Variants in ZBTB8A observed in about 807,000 individuals in gnomAD.
ZBTB8A encodes zinc finger and BTB domain-containing protein 8A.
Under a neutral mutation model 37.8 loss-of-function variants are expected in ZBTB8A, and 19 were observed. The observed-to-expected ratio is 0.50, with a 90% CI of 0.35 to 0.74. The LOEUF is 0.74. Among genes scored for constraint, ZBTB8A ranks in the 30% least tolerant of loss-of-function variants. The pLI, the probability that ZBTB8A is intolerant of heterozygous loss-of-function variation, is 0.01. For missense variants in ZBTB8A, 394 were observed against 537.8 expected, an observed-to-expected ratio of 0.73 and a Z score of 2.65; for synonymous variants, 181 against 185.2, an observed-to-expected ratio of 0.98 and a Z score of 0.19.
chr1:32,576,755 G>T (rs1366007954), intron 2 of ZBTB8A, among the ~76,000 whole-genome samples: 1 of 152,136 alleles, frequency 6.6e-6, no homozygotes, highest in South Asian at 2.1e-4. Context: ...GGTAGACACA[G>T]GGTTTCACCA....
In ZBTB8A at chr1:32,553,439, T is replaced by C. The variant is rs1236238215; in HGVS notation, c.-83-20T>C. On this transcript the variant is annotated intron_variant, in intron 1 of 4. Transcript: ENST00000373510. The stretch of plus-strand genomic sequence containing the variant: ...TTATGACAAAAGTACATTATAAATA[T>C]CTGTTTTCTCTCTCTACAGGACAAT... The C allele has an allele frequency of 6.6e-6, 1 of 152,176 alleles. No homozygotes were observed. Among genetic ancestry groups the C allele is most frequent in the Non-Finnish European group, 1.5e-5 (1 of 68,038 alleles). 9.4% of individuals were successfully genotyped at this position (152,176 alleles called of 1,614,324 possible).
chr1:32,551,538 A>G (rs1364745934), intron 1 of ZBTB8A, among the ~76,000 whole-genome samples: 1 of 152,056 alleles, frequency 6.6e-6, no homozygotes, highest in Non-Finnish European at 1.5e-5. Flanking sequence ...ACATGGAGAA[A>G]TACCATCTCT....
At chr1:32,544,391 A>G (rs1250270221) in intron 1 of ZBTB8A, among the ~76,000 whole-genome samples, 1 of 152,218 alleles carries the variant, frequency 6.6e-6, no homozygotes, top group Non-Finnish European at 1.5e-5. Flanking sequence ...GTATTTGTGT[A>G]TCTAAACATA....
At chr1:32,574,153 A>G (rs1381514806) in intron 2 of ZBTB8A, among the ~76,000 whole-genome samples, 10 of 152,108 alleles carry the variant, frequency 6.6e-5, no homozygotes, top group Non-Finnish European at 1.5e-4. Flanking sequence ...TGCAAACAAC[A>G]CATTTTGATT....
At chr1:32,573,151 A>G (rs1415738967) in intron 2 of ZBTB8A, among the ~76,000 whole-genome samples, 1 of 141,102 alleles carries the variant, frequency 7.1e-6, no homozygotes, top group East Asian at 2.1e-4. Flanking sequence ...GCTAACTGCA[A>G]CCTCCCCCTC....
At chr1:32,559,938 C>G (rs2148223870) in intron 2 of ZBTB8A, among the ~76,000 whole-genome samples, 1 of 152,222 alleles carries the variant, frequency 6.6e-6, no homozygotes, top group South Asian at 2.1e-4. Flanking sequence ...AAAGAAATAC[C>G]TGAGACTGGG....
At chr1:32,591,384 T>A (rs561553127) in intron 2 of ZBTB8A, among the ~76,000 whole-genome samples, 163 of 151,354 alleles carry the variant, frequency 1.1e-3, no homozygotes, top group African/African-American at 3.7e-3. Flanking sequence ...CTAATTAAAA[T>A]ATATATATAT....
Position 32,600,423 on chromosome 1 carries a change from T to A in ZBTB8A, c.*4T>A, listed in dbSNP as rs1311548192. On this transcript the variant is annotated 3_prime_UTR_variant, in exon 5 of 5. Transcript: ENST00000373510. ...AATTAAGCCCAACATTAGGTAGCTG[T>A]AATGTGAACCAACAGAGCTGGCATG... is the stretch of plus-strand genomic sequence containing the variant. 3 of 1,600,438 alleles carry A rather than the reference T, an allele frequency of 1.9e-6. No individual in the cohort carries two copies. Among genetic ancestry groups the A allele is most frequent in the Admixed American group, 3.4e-5 (2 of 59,302 alleles).
chr1:32,555,185 C>G (rs183282894), intron 2 of ZBTB8A, among the ~76,000 whole-genome samples: 2 of 152,200 alleles, frequency 1.3e-5, no homozygotes, highest in South Asian at 2.1e-4. Flanking sequence ...GTCAGGAGAT[C>G]GAGACCATCC....
In ZBTB8A at chr1:32,565,522, G is replaced by A. The variant is rs573577469; in HGVS notation, c.-2+11982G>A. Among the ~76,000 whole-genome samples, 21 of 151,990 alleles carry A rather than the reference G, an allele frequency of 1.4e-4. No homozygotes were observed. The South Asian group carries it at 3.9e-3, about 29-fold the overall frequency. ...ATTAAAAAATTAGCTGGGCGTGGTGGCATGCCCTGTAACCCCAGCTACTCA... is the reference window on the plus strand; with the variant it reads ...ATTAAAAAATTAGCTGGGCGTGGTGACATGCCCTGTAACCCCAGCTACTCA... On this transcript the variant is annotated intron_variant, in intron 2 of 4. Transcript: ENST00000373510.
At chr1:32,543,295 G>C (rs1644072676) in intron 1 of ZBTB8A, among the ~76,000 whole-genome samples, 1 of 152,034 alleles carries the variant, frequency 6.6e-6, no homozygotes, top group Non-Finnish European at 1.5e-5. Flanking sequence ...ATGTTGGTCA[G>C]GCTGGTCTCA....
intron 2 of ZBTB8A, among the ~76,000 whole-genome samples, chr1:32,556,310 C>T (rs1487171250): frequency 6.6e-6 from 1 of 152,048 alleles, no homozygotes; most frequent in African/African-American, 2.4e-5. Context: ...CCTCGTGATC[C>T]ACTCACCTCA....
At chr1:32,597,226 C>T (rs1644540741) in intron 4 of ZBTB8A, among the ~76,000 whole-genome samples, 1 of 152,054 alleles carries the variant, frequency 6.6e-6, no homozygotes, top group South Asian at 2.1e-4. Flanking sequence ...AATTCCTGAC[C>T]TCAAGTGATC....
chr1:32,571,002 C>A (rs10914578), intron 2 of ZBTB8A, among the ~76,000 whole-genome samples: 19,319 of 151,734 alleles, frequency 0.13, 1,391 homozygotes, highest in African/African-American at 0.22. Context: ...CAGCCTCCTG[C>A]GTAGCTGGGA....
At chr1:32,539,720 GGGC>G (rs1553175135) in intron 1 of ZBTB8A, 148 bp downstream of exon 1, 150 of 1,162 alleles carry the variant, frequency 0.13, 1 homozygote, top group Middle Eastern at 0.17. Context: ...AGACGTCCCC[GGGC>G]CGGGAGCGCG....
chr1:32,541,677 G>A (rs930569007), intron 1 of ZBTB8A, among the ~76,000 whole-genome samples: 2 of 152,192 alleles, frequency 1.3e-5, no homozygotes, highest in Non-Finnish European at 1.5e-5. Flanking sequence ...AGATGGCACC[G>A]TGTTGCTGCA....
chr1:32,573,930 G>C (rs1396984461), intron 2 of ZBTB8A, among the ~76,000 whole-genome samples: 1 of 151,374 alleles, frequency 6.6e-6, no homozygotes, highest in Non-Finnish European at 1.5e-5. Flanking sequence ...CAAAAAATTA[G>C]CCGGGTGTGG....
intron 1 of ZBTB8A, among the ~76,000 whole-genome samples, chr1:32,551,074 T>C (rs1408778942): frequency 1.3e-5 from 2 of 152,072 alleles, no homozygotes; most frequent in African/African-American, 4.8e-5. Flanking sequence ...GTAAATGCCA[T>C]TCTCTGAATG....
chr1:32,580,126 G>A (rs1644392021), intron 2 of ZBTB8A, among the ~76,000 whole-genome samples: 1 of 151,940 alleles, frequency 6.6e-6, no homozygotes, highest in Admixed American at 6.6e-5. Context: ...TTGAAGCTCA[G>A]GCAGGTGGAT....
Sources: allele counts gnomAD v4.1 joint callset (sites outside exome capture counted in the v4.1 genomes callset), GRCh38; gene constraint gnomAD v4.1.1; transcripts MANE v1.5; gene names NCBI Gene and HGNC (gene_info 2026-07-23, HGNC 2026-07-21).